FCHO2: variants seen among roughly 807,000 people sequenced by gnomAD.
FCHO2 encodes the protein F-BAR domain only protein 2.
In FCHO2, 43 loss-of-function variants were observed where a neutral mutation model predicts 114.1. The observed-to-expected ratio is 0.38, with a 90% CI of 0.30 to 0.49. FCHO2 has a LOEUF of 0.49. Among genes scored for constraint, FCHO2 ranks in the 20% least tolerant of loss-of-function variants. The pLI, the probability that FCHO2 is intolerant of heterozygous loss-of-function variation, is 0.97. For missense variants in FCHO2, 807 were observed against 950.4 expected (o/e 0.85, Z 1.98); for synonymous variants, 293 against 315.2 (o/e 0.93, Z 0.75).
chr5:73,060,872 G>T, intron 17 of FCHO2, among the ~76,000 whole-genome samples: 1 of 151,874 alleles, frequency 6.6e-6, no homozygotes, highest in Non-Finnish European at 1.5e-5. Flanking sequence ...GTTTATGTCA[G>T]ATATGAATAT....
rs1006715152 is a variant in FCHO2, at chr5:73,089,918, A to G, written c.*1828A>G. On this transcript the variant is annotated 3_prime_UTR_variant, in exon 26 of 26. Coordinates refer to ENST00000430046, the MANE Select transcript of FCHO2 (RefSeq NM_138782.3). ...AAATGCTAATCTTTACTAAATAGTG[A>G]GCTAAATTAGAATTTCTAACTCTTA... 1 of 152,566 alleles carries G rather than the reference A, an allele frequency of 6.6e-6. No individual in the cohort carries two copies. Among genetic ancestry groups the G allele is most frequent in the Non-Finnish European group, 1.5e-5 (1 of 67,968 alleles). 9.5% of individuals were successfully genotyped at this position (152,566 alleles called of 1,614,324 possible).
intron 8 of FCHO2, among the ~76,000 whole-genome samples, chr5:73,024,011 T>A (rs1474521104): frequency 6.6e-6 from 1 of 152,222 alleles, no homozygotes; most frequent in Non-Finnish European, 1.5e-5. Flanking sequence ...AGCTCACTGC[T>A]TGATTCCTTT....
At chr5:72,966,901 G>C (rs1464769888) in intron 1 of FCHO2, among the ~76,000 whole-genome samples, 1 of 152,192 alleles carries the variant, frequency 6.6e-6, no homozygotes, top group African/African-American at 2.4e-5. Flanking sequence ...CATTTCTAAT[G>C]TTATCTTTAT....
chr5:72,979,447 A>C (rs1197078038), intron 2 of FCHO2, among the ~76,000 whole-genome samples: 1 of 112,184 alleles, frequency 8.9e-6, no homozygotes, highest in Non-Finnish European at 1.6e-5. Context: ...GCTGGAGTGC[A>C]GTGGCGCGAT....
intron 2 of FCHO2, among the ~76,000 whole-genome samples, chr5:72,986,887 T>C (rs1753550305): frequency 6.8e-6 from 1 of 146,830 alleles, no homozygotes; most frequent in South Asian, 2.1e-4. Flanking sequence ...TTTTTTTTCT[T>C]TTTTTTTTTT....
At chr5:73,078,970 G>A (rs138553526) in intron 22 of FCHO2, among the ~76,000 whole-genome samples, 4 of 152,284 alleles carry the variant, frequency 2.6e-5, no homozygotes, top group Admixed American at 6.5e-5. Context: ...AAGTTTAGCT[G>A]TTTCTCAGTT....
chr5:73,052,055 C>G (rs1757363704), intron 12 of FCHO2, among the ~76,000 whole-genome samples: 1 of 152,046 alleles, frequency 6.6e-6, no homozygotes, highest in Non-Finnish European at 1.5e-5. Flanking sequence ...TCCCGATTGT[C>G]TGGGACCACA....
At chr5:72,976,860 A>T (rs1439355429) in intron 2 of FCHO2, among the ~76,000 whole-genome samples, 1 of 147,942 alleles carries the variant, frequency 6.8e-6, no homozygotes, top group African/African-American at 2.5e-5. Context: ...AACTCCCACT[A>T]ATGAGTGAGG....
intron 1 of FCHO2, among the ~76,000 whole-genome samples, chr5:72,962,883 C>T (rs1172233868): frequency 1.3e-5 from 2 of 148,302 alleles, no homozygotes; most frequent in African/African-American, 2.5e-5. Flanking sequence ...CAGAGCAAGA[C>T]TCTGTCTCAA....
chr5:72,971,394 T>C (rs1304101709), intron 2 of FCHO2, among the ~76,000 whole-genome samples: 3 of 152,202 alleles, frequency 2.0e-5, no homozygotes, highest in Non-Finnish European at 4.4e-5. Context: ...ATTGCCATTC[T>C]AACTGGTGTG....
In FCHO2 at chr5:73,022,721, A is replaced by T. The variant is rs80063326; in HGVS notation, c.796+5413A>T. 3.5e-3 allele frequency among the ~76,000 whole-genome samples: 536 copies of T among 152,338 alleles called. 16 individuals are homozygous for T. In the East Asian group the frequency reaches 0.084, roughly 24 times the overall value. On this transcript the variant is annotated intron_variant, in intron 8 of 25. Coordinates refer to ENST00000430046, the MANE Select transcript of FCHO2 (RefSeq NM_138782.3). Reference sequence around the variant, plus strand: ...GCGAATGTCAGAAAGCCATATAAACAAGCTTAAGCAAAAATTCCATGCATT... The same window carrying T: ...GCGAATGTCAGAAAGCCATATAAACTAGCTTAAGCAAAAATTCCATGCATT...
chr5:73,024,756 C>T (rs1459436904), intron 8 of FCHO2, among the ~76,000 whole-genome samples: 1 of 152,100 alleles, frequency 6.6e-6, no homozygotes, highest in African/African-American at 2.4e-5. Context: ...GACTTTTAAA[C>T]CTCAGTGCCC....
chr5:73,019,921 G>A (rs537238861), intron 8 of FCHO2, among the ~76,000 whole-genome samples: 155 of 152,308 alleles, frequency 1.0e-3, no homozygotes, highest in African/African-American at 3.5e-3. Flanking sequence ...GTAGAGTGAT[G>A]TGGGCAAGCA....
At chr5:72,994,601 C>T (rs1302031597) in intron 5 of FCHO2, among the ~76,000 whole-genome samples, 4 of 152,154 alleles carry the variant, frequency 2.6e-5, no homozygotes, top group African/African-American at 9.7e-5. Flanking sequence ...AAAAACAGAA[C>T]TACCATTCAC....
At chr5:73,081,535 C>T (rs1215860176) in intron 22 of FCHO2, among the ~76,000 whole-genome samples, 4 of 152,120 alleles carry the variant, frequency 2.6e-5, no homozygotes, top group African/African-American at 9.7e-5. Context: ...AGATTTTCTG[C>T]AGTTGGAGCT....
At chr5:72,985,820 A>G (rs1753493719) in intron 2 of FCHO2, among the ~76,000 whole-genome samples, 2 of 152,172 alleles carry the variant, frequency 1.3e-5, no homozygotes, top group African/African-American at 4.8e-5. Flanking sequence ...TTTTACTCTA[A>G]TGTGACTAGA....
chr5:72,995,971 G>A (rs551409307), intron 5 of FCHO2, among the ~76,000 whole-genome samples: 1 of 152,184 alleles, frequency 6.6e-6, no homozygotes, highest in Admixed American at 6.5e-5. Context: ...GGCAAGGCAT[G>A]GTGGCTCACA....
At chr5:73,069,137 A>C (rs1742509098) in intron 19 of FCHO2, among the ~76,000 whole-genome samples, 1 of 152,126 alleles carries the variant, frequency 6.6e-6, no homozygotes, top group Non-Finnish European at 1.5e-5. Flanking sequence ...TTTGAAAATG[A>C]TTGAATGAAA....
chr5:73,059,297 A>G (rs910045349), intron 17 of FCHO2, among the ~76,000 whole-genome samples: 3 of 152,158 alleles, frequency 2.0e-5, no homozygotes, highest in African/African-American at 7.2e-5. Flanking sequence ...ATGCTAGGTA[A>G]CTTTGTTAGG....
Sources: allele counts gnomAD v4.1 joint callset (sites outside exome capture counted in the v4.1 genomes callset), GRCh38; gene constraint gnomAD v4.1.1; transcripts MANE v1.5; gene names NCBI Gene and HGNC (gene_info 2026-07-23, HGNC 2026-07-21).